The following SLC14A2 variants were observed in gnomAD, a reference collection of about 807,000 sequenced individuals.
The protein encoded by SLC14A2 is solute carrier family 14 member 2, also known as urea transporter 2.
A neutral mutation model predicts 104.6 loss-of-function variants in SLC14A2; 91 were observed. The ratio of observed to expected loss-of-function variants is 0.87; its 90% CI spans 0.73 to 1.04. SLC14A2 has a LOEUF of 1.04. Ranked by LOEUF, SLC14A2 falls within the 50% of genes least tolerant of loss-of-function variation. The probability of loss-of-function intolerance (pLI) is 0.00; values close to 1 mark genes in which losing one functional copy is unlikely to be tolerated. For synonymous variants in SLC14A2, 476 were observed against 466.4 expected, an observed-to-expected ratio of 1.02 and a Z score of -0.27; for missense variants, 1,189 against 1,156.0, an observed-to-expected ratio of 1.03 and a Z score of -0.41.
chr18:45,281,434 A>G (rs2084761541), intron 1 of SLC14A2, among the ~76,000 whole-genome samples: 1 of 152,242 alleles, frequency 6.6e-6, no homozygotes, highest in Non-Finnish European at 1.5e-5. Flanking sequence ...TTACATGAAC[A>G]ACAAAATGTC....
At chr18:45,540,020 T>G (rs1329797186) in intron 2 of SLC14A2, among the ~76,000 whole-genome samples, 1 of 152,220 alleles carries the variant, frequency 6.6e-6, no homozygotes, top group African/African-American at 2.4e-5. Context: ...AAATTTTATC[T>G]CTGGTATGAG....
chr18:45,545,803 G>A (rs371689625), intron 2 of SLC14A2, among the ~76,000 whole-genome samples: 8 of 152,284 alleles, frequency 5.3e-5, no homozygotes, highest in African/African-American at 1.7e-4. Flanking sequence ...TTAATTGTGC[G>A]ATGCTCAATA....
chr18:45,576,565 G>A (rs767867657), intron 2 of SLC14A2, among the ~76,000 whole-genome samples: 1 of 151,688 alleles, frequency 6.6e-6, no homozygotes, highest in Non-Finnish European at 1.5e-5. Context: ...TTACAGGAAT[G>A]AGCCACTGGA....
intron 1 of SLC14A2, among the ~76,000 whole-genome samples, chr18:45,293,452 C>A (rs2084890342): frequency 6.6e-6 from 1 of 151,562 alleles, no homozygotes; most frequent in African/African-American, 2.4e-5. Flanking sequence ...ATTATAAGAA[C>A]CAGAGACAAT....
At chr18:45,544,095 C>T (rs976417897) in intron 2 of SLC14A2, among the ~76,000 whole-genome samples, 11 of 152,216 alleles carry the variant, frequency 7.2e-5, no homozygotes, top group African/African-American at 1.2e-4. Context: ...CTCTGAAAGT[C>T]GCCCAATGCA....
chr18:45,523,669 C>G (rs1025073127), intron 2 of SLC14A2, among the ~76,000 whole-genome samples: 1 of 152,030 alleles, frequency 6.6e-6, no homozygotes, highest in African/African-American at 2.4e-5. Flanking sequence ...CGAAATCTCC[C>G]CTGTCTTTGG....
chr18:45,374,415 A>G (rs2085752914), intron 1 of SLC14A2, among the ~76,000 whole-genome samples: 1 of 152,162 alleles, frequency 6.6e-6, no homozygotes, highest in Non-Finnish European at 1.5e-5. Flanking sequence ...AGAGCCAAAT[A>G]TTTTCTGACT....
At chr18:45,458,120 TAG>T (rs2086977896) in intron 1 of SLC14A2, among the ~76,000 whole-genome samples, 1 of 152,158 alleles carries the variant, frequency 6.6e-6, no homozygotes, top group Non-Finnish European at 1.5e-5. Flanking sequence ...TGAAGGGAGA[TAG>T]ACAGAGAAGA....
At chr18:45,301,215 G>T (rs749394865) in intron 1 of SLC14A2, among the ~76,000 whole-genome samples, 1 of 152,318 alleles carries the variant, frequency 6.6e-6, no homozygotes, top group East Asian at 1.9e-4. Context: ...CAGTGAGGAC[G>T]AGGAACTCGC....
At chr18:45,400,641 CA>C (rs1198898493) in intron 1 of SLC14A2, among the ~76,000 whole-genome samples, 1 of 152,112 alleles carries the variant, frequency 6.6e-6, no homozygotes. Flanking sequence ...TTTTATTATC[CA>C]TCAATGTTTC....
chr18:45,420,744 T>C (rs1568193316), intron 1 of SLC14A2, among the ~76,000 whole-genome samples: 1 of 150,876 alleles, frequency 6.6e-6, no homozygotes, highest in Non-Finnish European at 1.5e-5. Flanking sequence ...TTATTATTAT[T>C]ATTATTTTTT....
intron 1 of SLC14A2, among the ~76,000 whole-genome samples, chr18:45,324,133 A>G (rs115661143): frequency 0.027 from 4,097 of 152,226 alleles, 131 homozygotes; most frequent in African/African-American, 0.077. Flanking sequence ...TCCATGCCCC[A>G]TATATTACTA....
At chr18:45,421,004 G>T (rs557774551) in intron 1 of SLC14A2, among the ~76,000 whole-genome samples, 1 of 152,142 alleles carries the variant, frequency 6.6e-6, no homozygotes, top group African/African-American at 2.4e-5. Context: ...CTCCCAAAGT[G>T]CTGGGATTAC....
chr18:45,171,260 C>A, the SLC14A2 span, among the ~76,000 whole-genome samples: 1 of 151,988 alleles, frequency 6.6e-6, no homozygotes, highest in East Asian at 1.9e-4. Flanking sequence ...TCTGACAACT[C>A]TAGTCAGGGG....
At chr18:45,647,238 T>C (rs2045640189) in intron 10 of SLC14A2, 1 of 152,244 alleles carries the variant, frequency 6.6e-6, no homozygotes, top group Non-Finnish European at 1.5e-5. Flanking sequence ...TCATCTTGAG[T>C]CAAGCTTGAG....
At chr18:45,527,474 C>T (rs2043611093) in intron 2 of SLC14A2, among the ~76,000 whole-genome samples, 1 of 152,148 alleles carries the variant, frequency 6.6e-6, no homozygotes, top group Admixed American at 6.5e-5. Flanking sequence ...TTAAAGTTAG[C>T]AATAGCAATA....
At chr18:45,422,018 A>C (rs2086355924) in intron 1 of SLC14A2, among the ~76,000 whole-genome samples, 1 of 152,210 alleles carries the variant, frequency 6.6e-6, no homozygotes, top group South Asian at 2.1e-4. Context: ...GAAAGATAGG[A>C]GTATTTGTTG....
intron 1 of SLC14A2, among the ~76,000 whole-genome samples, chr18:45,347,508 T>C (rs751651010): frequency 6.6e-6 from 1 of 152,168 alleles, no homozygotes; most frequent in Non-Finnish European, 1.5e-5. Flanking sequence ...ATTCCATCCT[T>C]CCTCTATAAA....
chr18:45,348,551 C>T (rs894708986), intron 1 of SLC14A2, among the ~76,000 whole-genome samples: 1 of 152,162 alleles, frequency 6.6e-6, no homozygotes, highest in Non-Finnish European at 1.5e-5. Flanking sequence ...CCCTACTATT[C>T]CTCCTAAGGC....
Sources: allele counts gnomAD v4.1 joint callset (sites outside exome capture counted in the v4.1 genomes callset), GRCh38; gene constraint gnomAD v4.1.1; transcripts MANE v1.5; gene names NCBI Gene and HGNC (gene_info 2026-07-23, HGNC 2026-07-21).